The following CDK6 variants were observed in gnomAD, a reference collection of about 807,000 sequenced individuals.
CDK6 encodes the protein cyclin-dependent kinase 6.
In CDK6, 6 loss-of-function variants were observed where a neutral mutation model predicts 37.1. The observed-to-expected ratio is 0.16, with a 90% confidence interval of 0.09 to 0.32. CDK6 has a LOEUF of 0.32. Among genes scored for constraint, CDK6 ranks in the 10% least tolerant of loss-of-function variants. The probability of loss-of-function intolerance (pLI) is 1.00; values close to 1 mark genes in which losing one functional copy is unlikely to be tolerated. For missense variants in CDK6, 224 were observed against 418.9 expected, an observed-to-expected ratio of 0.53 and a Z score of 4.06; for synonymous variants, 160 against 161.3, an observed-to-expected ratio of 0.99 and a Z score of 0.06.
At chr7:92,651,170 G>A (rs1006346481) in intron 5 of CDK6, among the ~76,000 whole-genome samples, 2 of 152,196 alleles carry the variant, frequency 1.3e-5, no homozygotes, top group Admixed American at 6.5e-5. Flanking sequence ...GATTACAGGC[G>A]TAAGCCACGG....
intron 4 of CDK6, chr7:92,724,960 T>C (rs955637395): frequency 3.9e-5 from 35 of 907,602 alleles, no homozygotes; most frequent in African/African-American, 1.3e-4. Context: ...ATGAACTATA[T>C]GGAGAAATAG....
intron 2 of CDK6, among the ~76,000 whole-genome samples, chr7:92,776,376 G>A (rs1291482229): frequency 1.3e-5 from 2 of 152,190 alleles, no homozygotes; most frequent in Admixed American, 1.3e-4. Context: ...ACATATGTGT[G>A]CATGTGTCTT....
Position 92,651,227 on chromosome 7 carries a change from C to A in CDK6, c.647+20199G>T, listed in dbSNP as rs149569286. 6.8e-4 allele frequency among the ~76,000 whole-genome samples: 103 copies of A among 152,208 alleles called. No individual in the cohort carries two copies. In the Middle Eastern group the frequency reaches 0.01, roughly 15 times the overall value. On this transcript the variant is annotated intron_variant, in intron 5 of 7. Transcript: ENST00000424848. ...AAAGGACTCATGTGATTAGGTTGGG[C>A]CCCCTCAGATAATCCAGAATAATCT...
At position 92,692,725 on chromosome 7, in the gene CDK6, T is replaced by C. The variant is rs74443181; in HGVS notation, c.538-21190A>G. ...ACCTGAGCCTGTGAAGTCGAGGCTG[T>C]AGTGAGCCGTGATCATCATGCCACT... On this transcript the variant is annotated intron_variant, in intron 4 of 7. Coordinates refer to ENST00000424848, the MANE Select transcript of CDK6 (RefSeq NM_001145306.2). 9.3e-3 allele frequency among the ~76,000 whole-genome samples: 1,417 copies of C among 152,192 alleles called. 21 individuals carry two copies. The highest frequency in any genetic ancestry group is 0.029 in the African/African-American group (1,202 of 41,520).
Position 92,607,781 on chromosome 7 carries a change from G to A in CDK6, c.*7359C>T, listed in dbSNP as rs564785977. The A allele has an allele frequency of 4.3e-6, 1 of 231,652 alleles. No individual in the cohort carries two copies. The highest frequency in any genetic ancestry group is 8.5e-6 in the Non-Finnish European group (1 of 117,142). 14.3% of individuals were successfully genotyped at this position (231,652 alleles called of 1,614,324 possible). A position where few individuals can be genotyped will look rare whatever the true frequency, so the allele number is the denominator to read the frequency against. ...GGGTAGCTGATGCTATAAATTCCAT[G>A]TACTAACTAATATATTTACTACAGG... is the stretch of plus-strand genomic sequence containing the variant. On this transcript the variant is annotated 3_prime_UTR_variant, in exon 8 of 8. Coordinates refer to ENST00000424848, the MANE Select transcript of CDK6 (RefSeq NM_001145306.2).
chr7:92,616,747 G>A (rs1795690062), intron 7 of CDK6, among the ~76,000 whole-genome samples: 1 of 152,188 alleles, frequency 6.6e-6, no homozygotes, highest in African/African-American at 2.4e-5. Flanking sequence ...GTCTCTAGAG[G>A]ATTATGTGAG....
At chr7:92,780,226 C>G (rs1320057959) in intron 2 of CDK6, among the ~76,000 whole-genome samples, 1 of 152,184 alleles carries the variant, frequency 6.6e-6, no homozygotes, top group Non-Finnish European at 1.5e-5. Context: ...CCTGCCTTGG[C>G]CTCCCAAAGT....
intron 5 of CDK6, among the ~76,000 whole-genome samples, chr7:92,649,578 T>C (rs1053718764): frequency 2.0e-5 from 3 of 152,234 alleles, no homozygotes; most frequent in African/African-American, 4.8e-5. Context: ...TTGCTTCCAA[T>C]TGATGTGCTA....
In CDK6 at chr7:92,605,957, G is replaced by T; in HGVS notation, c.*9183C>A. ...TTCTTATAAGACTGTGTCCCAGGCA[G>T]TGAATTTCCACACTGCTTCTTGGGT... On this transcript the variant is annotated 3_prime_UTR_variant, in exon 8 of 8. Transcript: ENST00000424848. 1 of 233,664 alleles carries T rather than the reference G, an allele frequency of 4.3e-6. No individual in the cohort carries two copies. Among genetic ancestry groups the T allele is most frequent in the Non-Finnish European group, 8.5e-6 (1 of 118,014 alleles). The allele number at this position is 233,664 out of a possible 1,614,324, so 14.5% of individuals were successfully genotyped here. A position where few individuals can be genotyped will look rare whatever the true frequency, so the allele number is the denominator to read the frequency against.
At chr7:92,642,481 A>C (rs976411834) in intron 5 of CDK6, among the ~76,000 whole-genome samples, 21 of 152,062 alleles carry the variant, frequency 1.4e-4, no homozygotes, top group African/African-American at 5.1e-4. Context: ...AGGTCCTTGG[A>C]CTTTTTTGAT....
At chr7:92,732,262 A>G (rs1798667294) in intron 3 of CDK6, among the ~76,000 whole-genome samples, 1 of 152,122 alleles carries the variant, frequency 6.6e-6, no homozygotes, top group Non-Finnish European at 1.5e-5. Flanking sequence ...TACAAAAAAC[A>G]AAAAATTAGT....
In CDK6 at chr7:92,614,658, A is replaced by G. The variant is rs868498725; in HGVS notation, c.*482T>C. ...AAATTGAATTATTCTTGTCGTTTAC[A>G]AAAAGTAACACTTTAAAAGATCACA... On this transcript the variant is annotated 3_prime_UTR_variant, in exon 8 of 8. Transcript: ENST00000424848. The G allele has an allele frequency of 1.2e-4, 27 of 234,656 alleles. No individual in the cohort carries two copies. The highest frequency in any genetic ancestry group is 1.2e-3 in the Middle Eastern group (1 of 808). The allele number at this position is 234,656 out of a possible 1,614,324, so 14.5% of individuals were successfully genotyped here. A position where few individuals can be genotyped will look rare whatever the true frequency, so the allele number is the denominator to read the frequency against.
chr7:92,834,569 TGTC>T lies in CDK6; in HGVS notation c.-367-882_-367-880del, dbSNP rs1801594809. On this transcript the variant is annotated intron_variant, in intron 1 of 7. Coordinates refer to ENST00000424848, the MANE Select transcript of CDK6 (RefSeq NM_001145306.2). This position sits in a 1 kb window ranked among gnomAD's most constrained non-coding sequence, Gnocchi z 4.6. Reference sequence around the variant, plus strand: ...AAGGGGTGTTCGCCACAATTTCGCTTGTCGTCTCCTTAAAGAATAACTTCAGGA... The same window carrying T: ...AAGGGGTGTTCGCCACAATTTCGCTTGTCTCCTTAAAGAATAACTTCAGGA... Among the ~76,000 whole-genome samples, 2 of 151,406 alleles carry T rather than the reference TGTC, an allele frequency of 1.3e-5. No individual in the cohort carries two copies. The highest frequency in any genetic ancestry group is 6.6e-5 in the Admixed American group (1 of 15,208).
At chr7:92,666,612 A>G (rs977867968) in intron 5 of CDK6, among the ~76,000 whole-genome samples, 6 of 152,222 alleles carry the variant, frequency 3.9e-5, no homozygotes, top group African/African-American at 1.4e-4. Flanking sequence ...ACAATGAATG[A>G]ACCACATATG....
intron 2 of CDK6, among the ~76,000 whole-genome samples, chr7:92,776,603 T>C (rs1158336603): frequency 6.6e-6 from 1 of 152,252 alleles, no homozygotes; most frequent in Non-Finnish European, 1.5e-5. Context: ...ATTGCCATTC[T>C]AACTGGTGTG....
chr7:92,754,984 T>A (rs1171675822), intron 3 of CDK6, among the ~76,000 whole-genome samples: 1 of 152,094 alleles, frequency 6.6e-6, no homozygotes, highest in East Asian at 1.9e-4. Flanking sequence ...TTCACCCTCT[T>A]GGCCCTACCA....
chr7:92,804,240 C>T (rs1258429799), intron 2 of CDK6, among the ~76,000 whole-genome samples: 5 of 152,304 alleles, frequency 3.3e-5, no homozygotes, highest in Admixed American at 6.5e-5. Flanking sequence ...GAACCAGTCA[C>T]TGAGCTAACC....
chr7:92,622,287 G>T (rs771677102), intron 6 of CDK6, among the ~76,000 whole-genome samples: 2 of 152,104 alleles, frequency 1.3e-5, no homozygotes, highest in Non-Finnish European at 2.9e-5. Flanking sequence ...AAATCATCAA[G>T]GAGCGATGTA....
chr7:92,766,775 T>C (rs1169534499), intron 3 of CDK6, among the ~76,000 whole-genome samples: 5 of 152,220 alleles, frequency 3.3e-5, no homozygotes, highest in Non-Finnish European at 5.9e-5. Context: ...CAAGTTTTAA[T>C]GGACTTTGTA....
Sources: gnomAD v4.1 joint callset for allele counts (sites outside exome capture counted in the v4.1 genomes callset) on GRCh38, gnomAD v4.1.1 for gene constraint, Gnocchi (gnomAD v3.1) non-coding constraint, MANE v1.5 for transcripts, NCBI Gene and HGNC (gene_info 2026-07-23, HGNC 2026-07-21) for gene names.